Variants in RPH3A observed in about 807,000 individuals in gnomAD.
The protein encoded by RPH3A is rabphilin 3A, also known as rabphilin-3A.
RPH3A carries 48 observed loss-of-function variants against 102.2 expected under a neutral mutation model. That is an observed-to-expected ratio of 0.47 (90% CI 0.37 to 0.60). The LOEUF (loss-of-function observed/expected upper bound fraction) is 0.60, where lower values mean the gene tolerates loss of function less well. Among genes scored for constraint, RPH3A ranks in the 20% least tolerant of loss-of-function variants. The pLI is 0.00. For missense variants in RPH3A, 781 were observed against 910.1 expected (o/e 0.86, Z 1.83); for synonymous variants, 310 against 324.3 (o/e 0.96, Z 0.47).
At chr12:112,596,128 A>C (rs2039514628) in intron 1 of RPH3A, among the ~76,000 whole-genome samples, 1 of 152,138 alleles carries the variant, frequency 6.6e-6, no homozygotes, top group African/African-American at 2.4e-5. Flanking sequence ...AAATATGTTC[A>C]TGGTCTCTTC....
chr12:112,691,138 G>C (rs1444639439), intron 1 of RPH3A, among the ~76,000 whole-genome samples: 1 of 151,992 alleles, frequency 6.6e-6, no homozygotes, highest in Non-Finnish European at 1.5e-5. Flanking sequence ...ACTTTCCTGC[G>C]TCAGCCTCTC....
intron 1 of RPH3A, among the ~76,000 whole-genome samples, chr12:112,585,366 T>C (rs561688920): frequency 6.6e-6 from 1 of 152,370 alleles, no homozygotes; most frequent in African/African-American, 2.4e-5. Flanking sequence ...ATTTCCCACA[T>C]AGTGATATTC....
chr12:112,768,529 C>G (rs2040906806), intron 1 of RPH3A, among the ~76,000 whole-genome samples: 1 of 152,238 alleles, frequency 6.6e-6, no homozygotes, highest in South Asian at 2.1e-4. Context: ...ACACACTTCC[C>G]TTAGAGCTAT....
At chr12:112,775,530 T>C (rs1221056102) in intron 1 of RPH3A, among the ~76,000 whole-genome samples, 1 of 152,194 alleles carries the variant, frequency 6.6e-6, no homozygotes, top group East Asian at 1.9e-4. Flanking sequence ...CAGAAATTGA[T>C]TCATTTTAGA....
intron 1 of RPH3A, among the ~76,000 whole-genome samples, chr12:112,609,560 A>G (rs376223675): frequency 6.6e-6 from 1 of 152,114 alleles, no homozygotes; most frequent in East Asian, 1.9e-4. Flanking sequence ...AGTCTGCACT[A>G]GGTGCTCCTT....
intron 5 of RPH3A, 127 bp from the exon 6 acceptor site, chr12:112,865,287 A>G: frequency 8.7e-7 from 1 of 1,151,486 alleles, no homozygotes; most frequent in South Asian, 1.5e-5. Context: ...GGAAGAGTTC[A>G]CAACTGTCAT....
At chr12:112,828,187 AT>A in intron 2 of RPH3A, 113 bp from the exon 3 acceptor site, 1 of 730,580 alleles carries the variant, frequency 1.4e-6, no homozygotes, top group Non-Finnish European at 2.3e-6. Context: ...AAGAAACTGG[AT>A]TTAGTTCTCT....
intron 5 of RPH3A, chr12:112,850,896 A>G (rs1770738262): frequency 6.6e-6 from 1 of 152,150 alleles, no homozygotes; most frequent in African/African-American, 2.4e-5. Flanking sequence ...CAGAATCTAC[A>G]GTATTTTGGG....
intron 1 of RPH3A, among the ~76,000 whole-genome samples, chr12:112,698,717 A>C (rs1401722222): frequency 2.0e-5 from 3 of 152,362 alleles, no homozygotes; most frequent in South Asian, 4.1e-4. Flanking sequence ...ATTAATATCC[A>C]ATGCTGGTGA....
chr12:112,873,943 T>C (rs139613020), intron 10 of RPH3A: 2 of 152,362 alleles, frequency 1.3e-5, no homozygotes, highest in African/African-American at 4.8e-5. Context: ...AGACACCCAC[T>C]GGATGCTTGT....
intron 2 of RPH3A, among the ~76,000 whole-genome samples, chr12:112,825,614 C>T (rs919960886): frequency 3.3e-5 from 5 of 152,120 alleles, no homozygotes; most frequent in Admixed American, 6.5e-5. Context: ...TGAGTTGAGC[C>T]GCACTGACAG....
chr12:112,860,436 C>T (rs903782777), intron 5 of RPH3A, among the ~76,000 whole-genome samples: 9 of 152,248 alleles, frequency 5.9e-5, no homozygotes, highest in Admixed American at 2.0e-4. Context: ...CCCTGAATAA[C>T]GTGTGTTCAT....
intron 1 of RPH3A, among the ~76,000 whole-genome samples, chr12:112,782,028 C>T (rs1449753342): frequency 6.6e-6 from 1 of 152,246 alleles, no homozygotes; most frequent in African/African-American, 2.4e-5. Flanking sequence ...ATTATGGAAG[C>T]TGAATTATGT....
At chr12:112,767,989 A>G (rs1158100124) in intron 1 of RPH3A, among the ~76,000 whole-genome samples, 1 of 152,114 alleles carries the variant, frequency 6.6e-6, no homozygotes, top group Non-Finnish European at 1.5e-5. Flanking sequence ...GCTAATGGAT[A>G]TGGGGTCTCT....
chr12:112,862,242 C>A (rs994786431), intron 5 of RPH3A, among the ~76,000 whole-genome samples: 5 of 148,808 alleles, frequency 3.4e-5, no homozygotes, highest in Admixed American at 6.7e-5. Flanking sequence ...TCAGTCCCCC[C>A]CCCAAAAAAA....
chr12:112,872,824 G>A (rs1000455878), intron 10 of RPH3A, among the ~76,000 whole-genome samples: 6 of 152,204 alleles, frequency 3.9e-5, no homozygotes, highest in Non-Finnish European at 8.8e-5. Context: ...CTGTCCCTCA[G>A]GAGTCAATGT....
chr12:112,760,874 A>C (rs1410757261), intron 1 of RPH3A, among the ~76,000 whole-genome samples: 1 of 152,076 alleles, frequency 6.6e-6, no homozygotes, highest in African/African-American at 2.4e-5. Flanking sequence ...TTCTCAACAC[A>C]ATGATGACCC....
intron 1 of RPH3A, among the ~76,000 whole-genome samples, chr12:112,594,813 G>T (rs541217469): frequency 6.6e-6 from 1 of 152,152 alleles, no homozygotes; most frequent in Non-Finnish European, 1.5e-5. Context: ...TGTTATTATT[G>T]TTATGCATAA....
intron 1 of RPH3A, among the ~76,000 whole-genome samples, chr12:112,652,295 G>A (rs1478986336): frequency 1.3e-5 from 2 of 151,944 alleles, no homozygotes; most frequent in Admixed American, 6.6e-5. Context: ...GGGCAACATA[G>A]TGAGACTCTG....
Sources: allele counts gnomAD v4.1 joint callset (sites outside exome capture counted in the v4.1 genomes callset), GRCh38; gene constraint gnomAD v4.1.1; transcripts MANE v1.5; gene names NCBI Gene and HGNC (gene_info 2026-07-23, HGNC 2026-07-21).